The following EYA1 variants were observed in gnomAD, a reference collection of about 807,000 sequenced individuals.
The protein encoded by EYA1 is protein phosphatase EYA1.
In EYA1, 16 loss-of-function variants were observed where a neutral mutation model predicts 82.0. The observed-to-expected ratio is 0.20, with a 90% CI of 0.13 to 0.30. The LOEUF (loss-of-function observed/expected upper bound fraction) is 0.30. EYA1 is among the 10% of genes least tolerant of loss of function. The pLI is 1.00. For missense variants in EYA1, 633 were observed against 730.7 expected (o/e 0.87, Z 1.54); for synonymous variants, 261 against 264.4 (o/e 0.99, Z 0.12).
chr8:71,264,287 A>G (rs750655211), intron 11 of EYA1, among the ~76,000 whole-genome samples: 1 of 152,202 alleles, frequency 6.6e-6, no homozygotes, highest in Admixed American at 6.5e-5. Flanking sequence ...AGTAGGAACA[A>G]CAATCTCTAC....
At chr8:71,381,689 G>A (rs1029432692) in intron 2 of EYA1, among the ~76,000 whole-genome samples, 6 of 152,160 alleles carry the variant, frequency 3.9e-5, no homozygotes, top group South Asian at 2.1e-4. Context: ...GCAGACACAC[G>A]GAAGTGTGCC....
chr8:71,335,100 C>T (rs1824332587), intron 3 of EYA1, among the ~76,000 whole-genome samples: 1 of 152,156 alleles, frequency 6.6e-6, no homozygotes, highest in African/African-American at 2.4e-5. Context: ...ATTTGCCTAC[C>T]CTGCTTTGTG....
Position 71,331,245 on chromosome 8 carries a change from TACACACACACACACACACAC to T in EYA1, c.202+2832_202+2851del, listed in dbSNP as rs147776263. On this transcript the variant is annotated intron_variant, in intron 4 of 17. Transcript: ENST00000340726. ...CTCTGTCTCTAAATAAATAAATAAA[TACACACACACACACACACAC>T]ACACACACACACACACACACATATA... Among the ~76,000 whole-genome samples the T allele has an allele frequency of 7.3e-5, 10 of 136,544 alleles. No individual in the cohort carries two copies. In the South Asian group the frequency reaches 1.7e-3, roughly 23 times the overall value. The allele number at this position is 136,544 out of a possible 152,430, so 89.6% of individuals were successfully genotyped here.
rs879359546 is a variant in EYA1, at chr8:71,339,558, G to GCCCTTCCACACCAACTATTT, written c.125-5404_125-5385dup. Among the ~76,000 whole-genome samples, 870 of 151,074 alleles carry GCCCTTCCACACCAACTATTT rather than the reference G, an allele frequency of 5.8e-3. 34 individuals are homozygous for GCCCTTCCACACCAACTATTT. Among genetic ancestry groups the GCCCTTCCACACCAACTATTT allele is most frequent in the Admixed American group, 0.051 (765 of 15,138 alleles). ...CATACCTCATCCCTCACCATCTTTG[G>GCCCTTCCACACCAACTATTT]CCCTTCCACACCAACTATTTCCCTT... On this transcript the variant is annotated intron_variant, in intron 3 of 17. Transcript: ENST00000340726.
At chr8:71,547,266 A>C (rs1188077454) in intron 1 of EYA1, among the ~76,000 whole-genome samples, 3 of 152,112 alleles carry the variant, frequency 2.0e-5, no homozygotes, top group Non-Finnish European at 4.4e-5. Flanking sequence ...TGGAGCTTCG[A>C]GCTCACGCAC....
At chr8:71,240,556 T>A (rs1812360799) in intron 12 of EYA1, among the ~76,000 whole-genome samples, 1 of 152,108 alleles carries the variant, frequency 6.6e-6, no homozygotes, top group South Asian at 2.1e-4. Context: ...CTCTTCCCAA[T>A]CCTTACTCTT....
At chr8:71,527,820 T>C (rs1283410517) in intron 2 of EYA1, among the ~76,000 whole-genome samples, 1 of 152,186 alleles carries the variant, frequency 6.6e-6, no homozygotes, top group Non-Finnish European at 1.5e-5. Context: ...GTTATAGGCA[T>C]GTGATAAGAG....
intron 12 of EYA1, among the ~76,000 whole-genome samples, chr8:71,218,729 G>A (rs934933706): frequency 3.3e-5 from 5 of 151,764 alleles, no homozygotes; most frequent in African/African-American, 1.2e-4. Flanking sequence ...TTGTGTTTTC[G>A]ACAACATACT....
At chr8:71,420,533 T>G (rs1450886490) in intron 2 of EYA1, among the ~76,000 whole-genome samples, 1 of 152,186 alleles carries the variant, frequency 6.6e-6, no homozygotes, top group African/African-American at 2.4e-5. Context: ...TATCTATTAC[T>G]AAAATGAACA....
intron 7 of EYA1, among the ~76,000 whole-genome samples, chr8:71,301,555 C>T (rs1369542973): frequency 1.3e-5 from 2 of 152,130 alleles, no homozygotes; most frequent in African/African-American, 4.8e-5. Flanking sequence ...ACTTTAAAAG[C>T]TTGAGCCAAG....
At chr8:71,226,123 T>C (rs984492767) in intron 12 of EYA1, among the ~76,000 whole-genome samples, 3 of 152,142 alleles carry the variant, frequency 2.0e-5, no homozygotes, top group African/African-American at 7.2e-5. Context: ...TGCATAAAAT[T>C]ATGGTAAATA....
intron 2 of EYA1, among the ~76,000 whole-genome samples, chr8:71,406,220 T>C (rs567481473): frequency 6.6e-6 from 1 of 152,220 alleles, no homozygotes; most frequent in Admixed American, 6.5e-5. Flanking sequence ...TTAAAAGATA[T>C]TAAACAATTT....
intron 2 of EYA1, among the ~76,000 whole-genome samples, chr8:71,456,646 A>AT (rs993612400): frequency 2.0e-5 from 3 of 152,172 alleles, no homozygotes; most frequent in Non-Finnish European, 4.4e-5. Context: ...TGAAAAAAAA[A>AT]CAAGAAATGG....
intron 2 of EYA1, among the ~76,000 whole-genome samples, chr8:71,395,342 G>C (rs1829531519): frequency 6.6e-6 from 1 of 152,184 alleles, no homozygotes; most frequent in Non-Finnish European, 1.5e-5. Context: ...AATAGGAGTG[G>C]TGAGAGAGGG....
chr8:71,324,033 A>G (rs915174894), intron 4 of EYA1: 1 of 152,214 alleles, frequency 6.6e-6, no homozygotes, highest in East Asian at 1.9e-4. Flanking sequence ...CCAAACAACA[A>G]AAAAATGCAA....
At chr8:71,225,774 G>A (rs889204423) in intron 12 of EYA1, among the ~76,000 whole-genome samples, 3 of 152,128 alleles carry the variant, frequency 2.0e-5, no homozygotes, top group Non-Finnish European at 4.4e-5. Flanking sequence ...TTCGAGAGGT[G>A]GCAATAAGAT....
intron 2 of EYA1, among the ~76,000 whole-genome samples, chr8:71,411,644 G>T (rs1397294236): frequency 6.6e-6 from 1 of 151,446 alleles, no homozygotes; most frequent in Non-Finnish European, 1.5e-5. Context: ...ATCATCACTG[G>T]CCATCAGAGA....
intron 2 of EYA1, among the ~76,000 whole-genome samples, chr8:71,410,480 C>G (rs977868932): frequency 2.1e-5 from 2 of 96,110 alleles, no homozygotes; most frequent in Admixed American, 2.3e-4. Flanking sequence ...CTAGAAAACC[C>G]CATCGTCTCA....
At chr8:71,271,705 C>G (rs529047904) in intron 10 of EYA1, 53 bp downstream of exon 10, 1 of 1,610,696 alleles carries the variant, frequency 6.2e-7, no homozygotes, top group African/African-American at 1.3e-5. Flanking sequence ...GTAAAACCAC[C>G]AGTTAGCTAT....
Sources: allele counts gnomAD v4.1 joint callset (sites outside exome capture counted in the v4.1 genomes callset), GRCh38; gene constraint gnomAD v4.1.1; transcripts MANE v1.5; gene names NCBI Gene and HGNC (gene_info 2026-07-23, HGNC 2026-07-21).